The following KCNB2 variants were observed in gnomAD, a reference collection of about 807,000 sequenced individuals.
KCNB2 encodes potassium voltage-gated channel subfamily B member 2.
In KCNB2, 15 loss-of-function variants were observed where a neutral mutation model predicts 61.5. That is an observed-to-expected ratio of 0.24 (90% confidence interval 0.16 to 0.38). KCNB2 has a LOEUF of 0.38. Ranked by LOEUF, KCNB2 falls within the 10% of genes least tolerant of loss-of-function variation. KCNB2 has a pLI of 1.00. For synonymous variants in KCNB2, 457 were observed against 446.0 expected, an observed-to-expected ratio of 1.02 and a Z score of -0.31; for missense variants, 828 against 1,125.2, an observed-to-expected ratio of 0.74 and a Z score of 3.78.
chr8:72,795,310 A>G (rs201427846), intron 2 of KCNB2, among the ~76,000 whole-genome samples: 1 of 152,400 alleles, frequency 6.6e-6, no homozygotes, highest in East Asian at 1.9e-4. Context: ...GTAAGATACA[A>G]CAGTTGTGGG....
At chr8:72,663,883 AACTGCAGTTTGTCTGTTTGT>A (rs1203974198) in intron 2 of KCNB2, among the ~76,000 whole-genome samples, 1 of 152,168 alleles carries the variant, frequency 6.6e-6, no homozygotes, top group Non-Finnish European at 1.5e-5. Flanking sequence ...TCCAAAAACC[AACTGCAGTTTGTCTGTTTGT>A]TAGTGTAACA....
At chr8:72,656,395 A>G (rs916681276) in intron 2 of KCNB2, among the ~76,000 whole-genome samples, 2 of 152,172 alleles carry the variant, frequency 1.3e-5, no homozygotes, top group Non-Finnish European at 2.9e-5. Context: ...CCCAAGGCAG[A>G]AACCTGTTTA....
chr8:72,600,508 G>T (rs1188562473), intron 2 of KCNB2, among the ~76,000 whole-genome samples: 1 of 151,864 alleles, frequency 6.6e-6, no homozygotes, highest in East Asian at 1.9e-4. Flanking sequence ...ACGAGTTAAT[G>T]GGTGCAGCAC....
chr8:72,780,675 A>G (rs767906094), intron 2 of KCNB2, among the ~76,000 whole-genome samples: 1 of 152,186 alleles, frequency 6.6e-6, no homozygotes, highest in African/African-American at 2.4e-5. Context: ...TGATGCTGCA[A>G]TGAACATATG....
intron 2 of KCNB2, among the ~76,000 whole-genome samples, chr8:72,842,030 T>G (rs1809899443): frequency 6.6e-6 from 1 of 152,204 alleles, no homozygotes; most frequent in Non-Finnish European, 1.5e-5. Flanking sequence ...CGCGCCTAGC[T>G]TTTGCCCATT....
intron 2 of KCNB2, among the ~76,000 whole-genome samples, chr8:72,909,780 A>G (rs1397103026): frequency 1.3e-5 from 2 of 152,144 alleles, no homozygotes; most frequent in African/African-American, 2.4e-5. Context: ...TGATAAGGGA[A>G]GAAGAGATGA....
intron 2 of KCNB2, among the ~76,000 whole-genome samples, chr8:72,586,483 A>G (rs954608234): frequency 3.3e-5 from 5 of 152,224 alleles, no homozygotes; most frequent in African/African-American, 9.6e-5. Context: ...AGGGGGAGAA[A>G]AGAAAAATCT....
intron 2 of KCNB2, among the ~76,000 whole-genome samples, chr8:72,832,384 C>A (rs1305555783): frequency 1.3e-5 from 2 of 152,028 alleles, no homozygotes; most frequent in African/African-American, 4.8e-5. Flanking sequence ...ATGGGTGACT[C>A]TTGGGGAACA....
chr8:72,620,522 C>G (rs1439446078), intron 2 of KCNB2, among the ~76,000 whole-genome samples: 2 of 152,138 alleles, frequency 1.3e-5, no homozygotes, highest in Non-Finnish European at 2.9e-5. Flanking sequence ...GTGATAAAGC[C>G]CACTGTCCCT....
At chr8:72,786,599 A>G (rs1013600302) in intron 2 of KCNB2, among the ~76,000 whole-genome samples, 1 of 152,156 alleles carries the variant, frequency 6.6e-6, no homozygotes. Context: ...GAGGCTGTGA[A>G]TTATCACTGG....
chr8:72,784,540 A>G (rs962989025), intron 2 of KCNB2, among the ~76,000 whole-genome samples: 4 of 152,198 alleles, frequency 2.6e-5, no homozygotes, highest in Non-Finnish European at 5.9e-5. Flanking sequence ...GAAACTTACC[A>G]TCATGATGGA....
At chr8:72,759,379 A>T (rs901001984) in intron 2 of KCNB2, among the ~76,000 whole-genome samples, 2 of 152,226 alleles carry the variant, frequency 1.3e-5, no homozygotes, top group Non-Finnish European at 2.9e-5. Context: ...ACCCCTGGGT[A>T]ATCTGGGAAG....
chr8:72,849,520 G>A (rs532378477), intron 2 of KCNB2, among the ~76,000 whole-genome samples: 1 of 152,144 alleles, frequency 6.6e-6, no homozygotes, highest in African/African-American at 2.4e-5. Context: ...CACACATATT[G>A]TATGAATATA....
At chr8:72,747,570 G>T (rs1808098425) in intron 2 of KCNB2, among the ~76,000 whole-genome samples, 1 of 152,064 alleles carries the variant, frequency 6.6e-6, no homozygotes, top group Non-Finnish European at 1.5e-5. Context: ...GAGGGTTCTT[G>T]GATCTCTCAC....
At chr8:72,561,747 G>GTGTATATATATATA (rs1563523487) in intron 1 of KCNB2, among the ~76,000 whole-genome samples, 5 of 16,060 alleles carry the variant, frequency 3.1e-4, no homozygotes, top group Non-Finnish European at 5.1e-4. Context: ...ATATATATAT[G>GTGTATATATATATA]TATATATATA....
At chr8:72,839,093 T>C (rs1809833235) in intron 2 of KCNB2, among the ~76,000 whole-genome samples, 1 of 152,204 alleles carries the variant, frequency 6.6e-6, no homozygotes, top group African/African-American at 2.4e-5. Flanking sequence ...ACGCTCATTA[T>C]CCAAATACAA....
intron 2 of KCNB2, among the ~76,000 whole-genome samples, chr8:72,854,589 G>A (rs555981244): frequency 6.6e-5 from 10 of 152,270 alleles, no homozygotes; most frequent in Admixed American, 2.0e-4. Flanking sequence ...GTGCAGTGTA[G>A]ATAATGAGAC....
At chr8:72,576,049 T>C (rs537220231) in intron 2 of KCNB2, among the ~76,000 whole-genome samples, 1 of 152,340 alleles carries the variant, frequency 6.6e-6, no homozygotes, top group Non-Finnish European at 1.5e-5. Context: ...TTTTCCTTTA[T>C]CATAATTAAC....
chr8:72,884,897 T>A (rs1281718296), intron 2 of KCNB2, among the ~76,000 whole-genome samples: 1 of 152,204 alleles, frequency 6.6e-6, no homozygotes, highest in African/African-American at 2.4e-5. Context: ...CTCCTCCCAA[T>A]GACTTTTAAG....
Sources: gnomAD v4.1 joint callset for allele counts (sites outside exome capture counted in the v4.1 genomes callset) on GRCh38, gnomAD v4.1.1 for gene constraint, MANE v1.5 for transcripts, NCBI Gene and HGNC (gene_info 2026-07-23, HGNC 2026-07-21) for gene names.